Variants in GRIA4 observed in about 807,000 individuals in gnomAD.
The protein encoded by GRIA4 is glutamate ionotropic receptor AMPA type subunit 4, also known as glutamate receptor 4.
In GRIA4, 34 loss-of-function variants were observed where a neutral mutation model predicts 104.0. The ratio of observed to expected loss-of-function variants is 0.33; its 90% CI spans 0.25 to 0.44. The LOEUF is 0.44. GRIA4 is among the 20% of genes least tolerant of loss of function. GRIA4 has a pLI of 1.00. For synonymous variants in GRIA4, 386 were observed against 381.9 expected (o/e 1.01, Z -0.13); for missense variants, 750 against 1,096.5 (o/e 0.68, Z 4.46).
At chr11:105,787,472 C>CTTTTTTT (rs67901321) in intron 4 of GRIA4, among the ~76,000 whole-genome samples, 7 of 98,612 alleles carry the variant, frequency 7.1e-5, no homozygotes, top group Admixed American at 1.3e-4. Flanking sequence ...TAAAGAATTC[C>CTTTTTTT]TTTTTTTTTT....
chr11:105,770,166 T>C (rs1280297125), intron 4 of GRIA4, among the ~76,000 whole-genome samples: 1 of 152,110 alleles, frequency 6.6e-6, no homozygotes. Context: ...AACATCGTGA[T>C]GCAAGGAGAG....
At chr11:105,932,261 C>T (rs1947898998) in intron 13 of GRIA4, among the ~76,000 whole-genome samples, 1 of 152,092 alleles carries the variant, frequency 6.6e-6, no homozygotes, top group South Asian at 2.1e-4. Context: ...GCCTCAGCCC[C>T]CTTAGTAGCT....
chr11:105,770,365 T>C (rs555291145), intron 4 of GRIA4, among the ~76,000 whole-genome samples: 1 of 152,110 alleles, frequency 6.6e-6, no homozygotes, highest in South Asian at 2.1e-4. Context: ...TTTTTCCATT[T>C]ATGATGCATA....
intron 3 of GRIA4, among the ~76,000 whole-genome samples, chr11:105,690,939 T>G (rs1332643765): frequency 6.6e-6 from 1 of 152,222 alleles, no homozygotes; most frequent in Non-Finnish European, 1.5e-5. Flanking sequence ...AATGAATATG[T>G]GTCTTTTAAA....
At chr11:105,690,114 T>G (rs1953032178) in intron 3 of GRIA4, among the ~76,000 whole-genome samples, 1 of 152,174 alleles carries the variant, frequency 6.6e-6, no homozygotes, top group Non-Finnish European at 1.5e-5. Flanking sequence ...CTTTTTTTTC[T>G]TCAACGTCAT....
chr11:105,821,050 C>T (rs141472581), intron 4 of GRIA4, among the ~76,000 whole-genome samples: 37 of 152,256 alleles, frequency 2.4e-4, no homozygotes, highest in African/African-American at 7.2e-4. Context: ...CTCTTCCTCA[C>T]TCTCATACCT....
intron 6 of GRIA4, among the ~76,000 whole-genome samples, chr11:105,888,271 C>CTTTTGTT (rs1946341463): frequency 1.8e-5 from 1 of 54,560 alleles, no homozygotes; most frequent in Non-Finnish European, 3.0e-5. Context: ...ATGTTTTCTC[C>CTTTTGTT]TTTTTTTTTT....
At chr11:105,757,458 A>G (rs914685534) in intron 4 of GRIA4, among the ~76,000 whole-genome samples, 1 of 152,204 alleles carries the variant, frequency 6.6e-6, no homozygotes, top group African/African-American at 2.4e-5. Context: ...AGTCAAAGGA[A>G]GAAGAAAGCA....
intron 5 of GRIA4, among the ~76,000 whole-genome samples, chr11:105,886,180 C>CTTAT (rs139622131): frequency 0.01 from 1,573 of 151,512 alleles, 35 homozygotes; most frequent in Admixed American, 0.057. Flanking sequence ...ATGTTCTGAT[C>CTTAT]TTATTTATTT....
chr11:105,865,496 T>C (rs1945373670), intron 5 of GRIA4, among the ~76,000 whole-genome samples: 1 of 152,214 alleles, frequency 6.6e-6, no homozygotes, highest in Non-Finnish European at 1.5e-5. Context: ...ATTATAAATA[T>C]CATTGTGGAC....
At chr11:105,972,690 T>C (rs1377447859) in intron 15 of GRIA4, among the ~76,000 whole-genome samples, 1 of 152,138 alleles carries the variant, frequency 6.6e-6, no homozygotes, top group African/African-American at 2.4e-5. Flanking sequence ...TGCAGGAACC[T>C]ATATTCCTAA....
At chr11:105,912,887 A>G in intron 10 of GRIA4, 1 of 980,360 alleles carries the variant, frequency 1.0e-6, no homozygotes, top group Non-Finnish European at 1.2e-6. Flanking sequence ...ATTCAGCTGA[A>G]AACTCCCAAC....
intron 14 of GRIA4, chr11:105,966,055 C>T (rs1225155375): frequency 6.2e-7 from 1 of 1,606,188 alleles, no homozygotes; most frequent in South Asian, 1.1e-5. Context: ...GGGGAGGTGA[C>T]TCCAAGGTTA....
intron 3 of GRIA4, among the ~76,000 whole-genome samples, chr11:105,740,249 A>G (rs1939222107): frequency 6.6e-6 from 1 of 152,214 alleles, no homozygotes; most frequent in South Asian, 2.1e-4. Context: ...CCAATTTTCA[A>G]AAACTGAGCT....
chr11:105,754,955 T>A (rs1246579226), intron 4 of GRIA4, among the ~76,000 whole-genome samples: 1 of 152,176 alleles, frequency 6.6e-6, no homozygotes, highest in East Asian at 1.9e-4. Flanking sequence ...GAGCAGAAAA[T>A]TTTCCTTTGG....
chr11:105,964,799 T>G (rs533321629), intron 14 of GRIA4, among the ~76,000 whole-genome samples: 9 of 149,334 alleles, frequency 6.0e-5, no homozygotes, highest in East Asian at 5.8e-4. Flanking sequence ...TTTTTGTTTT[T>G]TTTTTGTTTG....
intron 6 of GRIA4, among the ~76,000 whole-genome samples, chr11:105,889,066 T>C (rs1298797635): frequency 6.6e-6 from 1 of 152,138 alleles, no homozygotes; most frequent in Non-Finnish European, 1.5e-5. Context: ...GCAAATAGGT[T>C]TTGTCATCTA....
intron 4 of GRIA4, among the ~76,000 whole-genome samples, chr11:105,760,191 A>T (rs1940544171): frequency 6.6e-6 from 1 of 152,124 alleles, no homozygotes; most frequent in Non-Finnish European, 1.5e-5. Flanking sequence ...TCTACCCTAG[A>T]GGGTGACACA....
chr11:105,967,169 T>C (rs1005429057), intron 14 of GRIA4, among the ~76,000 whole-genome samples: 2 of 75,370 alleles, frequency 2.7e-5, no homozygotes, highest in African/African-American at 5.2e-5. Context: ...AGAAAAAATT[T>C]AGTTTTCAAA....
Sources: allele counts gnomAD v4.1 joint callset (sites outside exome capture counted in the v4.1 genomes callset), GRCh38; gene constraint gnomAD v4.1.1; transcripts MANE v1.5; gene names NCBI Gene and HGNC (gene_info 2026-07-23, HGNC 2026-07-21).